The following DHX57 variants were observed in gnomAD, a reference collection of about 807,000 sequenced individuals.
The protein encoded by DHX57 is DExH-box helicase 57, also known as putative ATP-dependent RNA helicase DHX57.
In DHX57, 105 loss-of-function variants were observed where a neutral mutation model predicts 156.2. The observed-to-expected ratio is 0.67, with a 90% CI of 0.57 to 0.79. The LOEUF is 0.79. Among genes scored for constraint, DHX57 ranks in the 30% least tolerant of loss-of-function variants. The pLI, the probability that DHX57 is intolerant of heterozygous loss-of-function variation, is 0.00. For synonymous variants in DHX57, 704 were observed against 595.6 expected (o/e 1.18, Z -2.65); for missense variants, 1,847 against 1,661.9 (o/e 1.11, Z -1.94).
chr2:38,818,805 G>C, intron 19 of DHX57, 72 bp downstream of exon 19: 2 of 1,527,902 alleles, frequency 1.3e-6, no homozygotes, highest in Non-Finnish European at 1.8e-6. Context: ...GGACACATGA[G>C]ACAAAGTCGC....
chr2:38,860,916 C>A, intron 5 of DHX57, 83 bp downstream of exon 5: 4 of 1,254,308 alleles, frequency 3.2e-6, no homozygotes, highest in Non-Finnish European at 4.4e-6. Flanking sequence ...ATCACTAAGC[C>A]ATCCTAGACC....
chr2:38,850,136 A>C (rs568738663), intron 9 of DHX57, among the ~76,000 whole-genome samples: 100 of 152,322 alleles, frequency 6.6e-4, no homozygotes, highest in Non-Finnish European at 1.2e-3. Flanking sequence ...TGTAAGAAAA[A>C]AAGGTCAGAA....
intron 2 of DHX57, among the ~76,000 whole-genome samples, chr2:38,865,257 A>G (rs1056160212): frequency 2.4e-4 from 36 of 152,196 alleles, no homozygotes; most frequent in African/African-American, 7.5e-4. Flanking sequence ...TATGGGAGGG[A>G]ACCGGTTGGA....
At chr2:38,845,033 C>CTAAAAATAATAAATTGTCTCTAA (rs1454620663) in intron 11 of DHX57, among the ~76,000 whole-genome samples, 5 of 151,822 alleles carry the variant, frequency 3.3e-5, no homozygotes, top group Non-Finnish European at 5.9e-5. Context: ...CTTGTCTCTA[C>CTAAAAATAATAAATTGTCTCTAA]TAAAAATAAA....
chr2:38,874,913 T>C (rs1181637778), intron 1 of DHX57, among the ~76,000 whole-genome samples: 1 of 152,168 alleles, frequency 6.6e-6, no homozygotes, highest in African/African-American at 2.4e-5. Flanking sequence ...TTCTAAAATT[T>C]AGGGAAATGA....
At chr2:38,814,020 C>T (rs1354494716) in intron 20 of DHX57, 125 bp from the exon 21 acceptor site, 1 of 983,880 alleles carries the variant, frequency 1.0e-6, no homozygotes, top group South Asian at 1.4e-5. Context: ...TTACTGCAAC[C>T]TCCGCCTCCC....
At chr2:38,873,653 G>A (rs1429140456) in intron 1 of DHX57, among the ~76,000 whole-genome samples, 2 of 152,154 alleles carry the variant, frequency 1.3e-5, no homozygotes, top group African/African-American at 4.8e-5. Context: ...ATGGAGATTT[G>A]TTCATCTATT....
intron 22 of DHX57, 93 bp from the exon 23 acceptor site, chr2:38,803,008 A>G: frequency 7.3e-7 from 1 of 1,372,306 alleles, no homozygotes; most frequent in East Asian, 2.3e-5. Context: ...ACTGCCTATT[A>G]ATGACTCCCC....
chr2:38,827,533 T>TATATATATATATAC (rs1222862055), intron 14 of DHX57, among the ~76,000 whole-genome samples: 1 of 48,264 alleles, frequency 2.1e-5, no homozygotes, highest in African/African-American at 6.7e-5. Flanking sequence ...TATATATATA[T>TATATATATATATAC]ACACACATAC....
intron 17 of DHX57, among the ~76,000 whole-genome samples, chr2:38,820,503 G>C (rs562441584): frequency 1.3e-5 from 2 of 152,206 alleles, no homozygotes; most frequent in Non-Finnish European, 2.9e-5. Context: ...TAGATGATTT[G>C]GGAAAAGGTA....
intron 2 of DHX57, chr2:38,867,211 G>A (rs1046710571): frequency 6.6e-6 from 1 of 152,168 alleles, no homozygotes; most frequent in Non-Finnish European, 1.5e-5. Context: ...TGTGTTGTAG[G>A]TTGTACCATC....
chr2:38,842,785 T>C lies in DHX57; in HGVS notation c.2425+220A>G, dbSNP rs532161694. On this transcript the variant is annotated intron_variant, in intron 12 of 23. Coordinates refer to ENST00000457308, the MANE Select transcript of DHX57 (RefSeq NM_198963.3). Reference sequence around the variant, plus strand: ...ACAATTTTTCTCTAATGAGCACATATTTCTTTTATAATTAGAAAAAAAACC... The same window carrying C: ...ACAATTTTTCTCTAATGAGCACATACTTCTTTTATAATTAGAAAAAAAACC... 2.4e-4 allele frequency among the ~76,000 whole-genome samples: 37 copies of C among 152,326 alleles called. 1 individual carries two copies. In the South Asian group the frequency reaches 6.2e-3, roughly 26 times the overall value.
At chr2:38,860,182 G>C (rs1014925644) in intron 5 of DHX57, among the ~76,000 whole-genome samples, 4 of 152,036 alleles carry the variant, frequency 2.6e-5, no homozygotes, top group African/African-American at 9.7e-5. Context: ...ATGTGCGATG[G>C]CTCACGCCTG....
intron 23 of DHX57, among the ~76,000 whole-genome samples, chr2:38,801,813 T>C (rs1167302335): frequency 6.6e-6 from 1 of 152,098 alleles, no homozygotes; most frequent in East Asian, 1.9e-4. Context: ...GCCAGGCTGG[T>C]CTCGAACTCC....
chr2:38,862,684 T>C, intron 3 of DHX57: 1 of 166,970 alleles, frequency 6.0e-6, no homozygotes, highest in East Asian at 1.7e-4. Context: ...CAAATAGAGA[T>C]TTTGCCAAAG....
chr2:38,848,534 CA>C (rs1268243260), intron 9 of DHX57, 132 bp from the exon 10 acceptor site: 7 of 896,766 alleles, frequency 7.8e-6, no homozygotes, highest in Non-Finnish European at 9.9e-6. Context: ...GTTCATAGAA[CA>C]ATATGTCCTG....
At chr2:38,803,236 C>A (rs1386028286) in intron 22 of DHX57, among the ~76,000 whole-genome samples, 4 of 152,086 alleles carry the variant, frequency 2.6e-5, no homozygotes, top group African/African-American at 9.7e-5. Context: ...CCTTGGCCTC[C>A]CAAATTGCTG....
chr2:38,850,317 C>T (rs1672517051), intron 9 of DHX57, among the ~76,000 whole-genome samples: 1 of 152,062 alleles, frequency 6.6e-6, no homozygotes, highest in African/African-American at 2.4e-5. Flanking sequence ...AGGTTTCGCT[C>T]TGTCACCCAG....
At chr2:38,815,183 C>T (rs1572631416) in intron 20 of DHX57, among the ~76,000 whole-genome samples, 1 of 152,026 alleles carries the variant, frequency 6.6e-6, no homozygotes, top group East Asian at 1.9e-4. Flanking sequence ...TCTCCCACCT[C>T]ACCCTCCCAC....
Sources: gnomAD v4.1 joint callset for allele counts (sites outside exome capture counted in the v4.1 genomes callset) on GRCh38, gnomAD v4.1.1 for gene constraint, MANE v1.5 for transcripts, NCBI Gene and HGNC (gene_info 2026-07-23, HGNC 2026-07-21) for gene names.